The following CAPN12 variants were observed in gnomAD, a reference collection of about 807,000 sequenced individuals.
CAPN12 encodes the protein calpain-12.
In CAPN12, 107 loss-of-function variants were observed where a neutral mutation model predicts 95.0. That is an observed-to-expected ratio of 1.13 (90% CI 0.96 to 1.32). CAPN12 has a LOEUF of 1.32. Among genes scored for constraint, CAPN12 ranks in the 40% most tolerant of loss-of-function variants. CAPN12 has a pLI of 0.00. For synonymous variants in CAPN12, 505 were observed against 415.5 expected (o/e 1.22, Z -2.62); for missense variants, 1,136 against 997.8 (o/e 1.14, Z -1.87).
chr19:38,736,221 C>A lies in CAPN12; in HGVS notation c.1472G>T (p.Arg491Leu). The A allele has an allele frequency of 6.7e-7, 1 of 1,497,404 alleles. No homozygotes were observed. The allele number at this position is 1,497,404 out of a possible 1,614,324, so 92.8% of individuals were successfully genotyped here. A position where few individuals can be genotyped will look rare whatever the true frequency, so the allele number is the denominator to read the frequency against. The stretch of plus-strand genomic sequence containing the variant: ...GTGGCCTGGACGCAGGCAGCAGCGG[C>A]GGGTCACGTCGCGGCGGGCGCTGAG... Reference protein sequence around the residue: ...SPLSARRDVTRRCCLRPGHYL... With the variant: ...SPLSARRDVTLRCCLRPGHYL... The change falls in exon 12 of 21, where the codon CGC becomes CTC. Residue 491 changes from arginine to leucine, a missense_variant. Physicochemically the swap from Arg to Leu is moderately radical, Grantham distance 102 (BLOSUM62 -2). Transcript: ENST00000328867.
intron 18 of CAPN12, chr19:38,731,572 T>A (rs933760384): frequency 1.2e-5 from 4 of 343,464 alleles, no homozygotes; most frequent in Non-Finnish European, 1.1e-5. Flanking sequence ...GCAAAAAATA[T>A]AGTCAATCCC....
chr19:38,733,979 G>A, intron 17 of CAPN12, 163 bp downstream of exon 17: 1 of 833,730 alleles, frequency 1.2e-6, no homozygotes, highest in Non-Finnish European at 1.9e-6. Flanking sequence ...CAGAGGACAA[G>A]CTGAGGCTGG....
rs144608964 is a variant in CAPN12, at chr19:38,738,249, G to C, written c.965+24C>G. 4.4e-4 allele frequency: 704 copies of C among 1,611,392 alleles called. 3 individuals are homozygous for C. In the African/African-American group the frequency reaches 8.1e-3, roughly 19 times the overall value. On this transcript the variant is annotated intron_variant, in intron 8 of 20. Transcript: ENST00000328867. ...CTTGGCAGAGACCCTCCCAGAGGCA[G>C]AGCTGGGACCCTGACGAACTGACCA...
Position 38,738,416 on chromosome 19 carries a change from AC to A in CAPN12, c.890+1del, listed in dbSNP as rs1291105282. On this transcript the variant is annotated splice_donor_variant, in intron 7 of 20. Transcript: ENST00000328867. LOFTEE classifies it high-confidence loss of function. ...CCCACACCCACCCCAGACCCATCCC[AC>A]CTGTCGCTCCAGGCCCCCGTCCACT... 9 of 1,607,976 alleles carry A rather than the reference AC, an allele frequency of 5.6e-6. No individual in the cohort carries two copies. The highest frequency in any genetic ancestry group is 6.8e-6 in the Non-Finnish European group (8 of 1,177,714).
At position 38,730,672 on chromosome 19, in the gene CAPN12, TG is replaced by T; in HGVS notation, c.*179del. On this transcript the variant is annotated 3_prime_UTR_variant, in exon 21 of 21. Transcript: ENST00000328867. ...GCTCGAGAAGGGCTGTCGCTGTTCT[TG>T]TTTCTGAGTGAGGAGTACGCAGGCC... The T allele has an allele frequency of 1.5e-6, 1 of 687,712 alleles. No homozygotes were observed. The highest frequency in any genetic ancestry group is 2.5e-6 in the Non-Finnish European group (1 of 402,462). The allele number at this position is 687,712 out of a possible 1,614,324, so 42.6% of individuals were successfully genotyped here. A position where few individuals can be genotyped will look rare whatever the true frequency, so the allele number is the denominator to read the frequency against.
rs1464785722 is a variant in CAPN12, at chr19:38,736,250, C to T, written c.1443G>A (p.Ser481=). 2 of 1,474,606 alleles carry T rather than the reference C, an allele frequency of 1.4e-6. No individual in the cohort carries two copies. The highest frequency in any genetic ancestry group is 1.3e-5 in the South Asian group (1 of 74,962). The allele number at this position is 1,474,606 out of a possible 1,614,324, so 91.3% of individuals were successfully genotyped here. The change falls in exon 12 of 21, where the codon TCG becomes TCA. Residue 481 remains serine, a synonymous_variant. Transcript: ENST00000328867. ...TCACGTCGCGGCGGGCGCTGAGGGG[C>T]GAGCGGTCGGCGCGCAGCAGCCGGG... is the stretch of plus-strand genomic sequence containing the variant. ...LLPRLLRADR[S]PLSARRDVTR... is the part of the protein sequence containing the mutation.
intron 5 of CAPN12, 110 bp from the exon 6 acceptor site, chr19:38,738,758 T>A: frequency 4.5e-6 from 4 of 889,072 alleles, no homozygotes; most frequent in South Asian, 2.8e-5. Context: ...AGCACTGAAC[T>A]GAATGGCACG....
At chr19:38,741,102 T>C (rs1970519930) in intron 4 of CAPN12, among the ~76,000 whole-genome samples, 1 of 152,110 alleles carries the variant, frequency 6.6e-6, no homozygotes, top group Non-Finnish European at 1.5e-5. Flanking sequence ...GTGCTTTAGA[T>C]TTCTCAATGG....
rs188534592 is a variant in CAPN12 at position 38,735,244 on chromosome 19, A to G, written c.1686+126T>C. 702 of 924,826 alleles carry G rather than the reference A, an allele frequency of 7.6e-4. 6 individuals are homozygous for G. The African/African-American group carries it at 0.011, about 15-fold the overall frequency. The allele number at this position is 924,826 out of a possible 1,614,324, so 57.3% of individuals were successfully genotyped here. Reference sequence around the variant, plus strand: ...GTGAGCATTTCAAGAAAAGGTCAGGAGATTTAAGCCCGGAGGGAGGAAAAA... The same window carrying G: ...GTGAGCATTTCAAGAAAAGGTCAGGGGATTTAAGCCCGGAGGGAGGAAAAA... On this transcript the variant is annotated intron_variant, in intron 14 of 20. Transcript: ENST00000328867.
chr19:38,736,546 A>T lies in CAPN12; in HGVS notation c.1374+6T>A, dbSNP rs1487660125. Reference sequence around the variant, plus strand: ...CCAGGGCCGGTTGACCCCATCCCAGACTCACCTCCTCTGGAATCTGAAAGA... The same window carrying T: ...CCAGGGCCGGTTGACCCCATCCCAGTCTCACCTCCTCTGGAATCTGAAAGA... On this transcript the variant is annotated splice_donor_region_variant and intron_variant, in intron 11 of 20. Coordinates refer to ENST00000328867, the MANE Select transcript of CAPN12 (RefSeq NM_144691.4). 1 of 1,528,770 alleles carries T rather than the reference A, an allele frequency of 6.5e-7. No individual in the cohort carries two copies. Among genetic ancestry groups the T allele is most frequent in the South Asian group, 1.2e-5 (1 of 81,628 alleles). The allele number at this position is 1,528,770 out of a possible 1,614,324, so 94.7% of individuals were successfully genotyped here.
intron 14 of CAPN12, 30 bp from the exon 15 acceptor site, chr19:38,734,900 A>G (rs750552518): frequency 6.2e-7 from 1 of 1,608,848 alleles, no homozygotes; most frequent in Non-Finnish European, 8.5e-7. Context: ...TTGTGAGGCC[A>G]TTTACTCATC....
chr19:38,737,666 C>T (rs1352576374), intron 8 of CAPN12, 28 bp from the exon 9 acceptor site: 1 of 1,530,402 alleles, frequency 6.5e-7, no homozygotes, highest in Non-Finnish European at 8.8e-7. Flanking sequence ...CAGACCCTGC[C>T]CGGCCCCACC....
In CAPN12 at chr19:38,736,142, C is replaced by A. The variant is rs1252908768; in HGVS notation, c.1551G>T (p.Leu517=). ...TGTGGCGGCGCTCGGAGAAGACACGCAGAGTGAAGTCAGCCTCGTCGCCGG... is the reference window on the plus strand; with the variant it reads ...TGTGGCGGCGCTCGGAGAAGACACGAAGAGTGAAGTCAGCCTCGTCGCCGG... ...AHAGDEADFT[L]RVFSERRHTA... is the part of the protein sequence containing the mutation. The change falls in exon 12 of 21, where the codon CTG becomes CTT. Residue 517 remains leucine, a synonymous_variant. Transcript: ENST00000328867. 1.3e-6 allele frequency: 2 copies of A among 1,513,986 alleles called. No individual in the cohort carries two copies. The highest frequency in any genetic ancestry group is 1.2e-5 in the South Asian group (1 of 80,990). The allele number at this position is 1,513,986 out of a possible 1,614,324, so 93.8% of individuals were successfully genotyped here. A position where few individuals can be genotyped will look rare whatever the true frequency, so the allele number is the denominator to read the frequency against.
At chr19:38,743,147 G>A in intron 1 of CAPN12, 45 bp from the exon 2 acceptor site, 1 of 1,610,434 alleles carries the variant, frequency 6.2e-7, no homozygotes, top group Non-Finnish European at 8.5e-7. Flanking sequence ...AGAAAGCGAG[G>A]AAAGGTCTCA....
rs886697543 is a variant in CAPN12, at chr19:38,742,593, C to T, written c.308-65G>A. 5 of 1,157,418 alleles carry T rather than the reference C, an allele frequency of 4.3e-6. No homozygotes were observed. In the Admixed American group the frequency reaches 1.2e-4, roughly 28 times the overall value. 71.7% of individuals were successfully genotyped at this position (1,157,418 alleles called of 1,614,324 possible). On this transcript the variant is annotated intron_variant, in intron 2 of 20. Transcript: ENST00000328867. ...GGAGGCCTGGTGCGGTGGCTCATGC[C>T]TCTAATCCCAGCACTTTGGGAGGCC...
chr19:38,741,737 G>C, intron 4 of CAPN12, 40 bp downstream of exon 4: 1 of 1,608,712 alleles, frequency 6.2e-7, no homozygotes, highest in Non-Finnish European at 8.5e-7. Flanking sequence ...GCCTGCTGTG[G>C]GGACTTAGGG....
chr19:38,741,773 T>C lies in CAPN12; in HGVS notation c.560+4A>G. ...CTGCAGCTGGTTGGAACTGGGGTCC[T>C]CACTTGGCGTAGGCCTTCTCCAGGA... On this transcript the variant is annotated splice_donor_region_variant and intron_variant, in intron 4 of 20. Transcript: ENST00000328867. 2 of 1,613,910 alleles carry C rather than the reference T, an allele frequency of 1.2e-6. No individual in the cohort carries two copies. The highest frequency in any genetic ancestry group is 1.7e-6 in the Non-Finnish European group (2 of 1,179,988).
rs376117775 is a variant in CAPN12, at chr19:38,742,469, G to A, written c.367C>T (p.Arg123Trp). The change falls in exon 3 of 21, where the codon CGG becomes TGG. Residue 123 changes from arginine to tryptophan, a missense_variant. Arg to Trp is a moderately radical substitution (Grantham distance 101). Transcript: ENST00000328867. ...SLTLYPRLLRRVVPPGQDFQH... is the reference protein window; with the variant it reads ...SLTLYPRLLRWVVPPGQDFQH... ...AAATCCTGTCCAGGAGGGACCACCC[G>A]GCGCAGGAGCCGGGGATACAGAGTA... 158 of 1,613,778 alleles carry A rather than the reference G, an allele frequency of 9.8e-5. 2 individuals carry two copies. In the South Asian group the frequency reaches 1.3e-3, roughly 13 times the overall value.
At chr19:38,741,109 A>G (rs1305603070) in intron 4 of CAPN12, among the ~76,000 whole-genome samples, 1 of 152,140 alleles carries the variant, frequency 6.6e-6, no homozygotes, top group Non-Finnish European at 1.5e-5. Context: ...AGATTTCTCA[A>G]TGGACCAGGA....
Sources: allele counts gnomAD v4.1 joint callset (sites outside exome capture counted in the v4.1 genomes callset), GRCh38; gene constraint gnomAD v4.1.1; transcripts MANE v1.5; gene names NCBI Gene and HGNC (gene_info 2026-07-23, HGNC 2026-07-21).